The following EGFLAM variants were observed in gnomAD, a reference collection of about 807,000 sequenced individuals.
EGFLAM encodes EGF like, fibronectin type III and laminin G domains, also known as pikachurin.
EGFLAM carries 79 observed loss-of-function variants against 113.1 expected under a neutral mutation model. The observed-to-expected ratio is 0.70, with a 90% confidence interval of 0.58 to 0.84. The LOEUF is 0.84. Among genes scored for constraint, EGFLAM ranks in the 40% least tolerant of loss-of-function variants. The pLI is 0.00. For synonymous variants in EGFLAM, 504 were observed against 487.6 expected, an observed-to-expected ratio of 1.03 and a Z score of -0.44; for missense variants, 1,265 against 1,291.6, an observed-to-expected ratio of 0.98 and a Z score of 0.32.
chr5:38,328,621 C>T (rs1447380216), intron 1 of EGFLAM, among the ~76,000 whole-genome samples: 10 of 151,498 alleles, frequency 6.6e-5, no homozygotes, highest in East Asian at 1.9e-4. Flanking sequence ...TTAATATTTT[C>T]GTTAATTTAA....
chr5:38,373,724 C>T (rs1166144857), intron 6 of EGFLAM, among the ~76,000 whole-genome samples: 1 of 152,146 alleles, frequency 6.6e-6, no homozygotes, highest in Admixed American at 6.5e-5. Flanking sequence ...CATAAACATG[C>T]GAGTGCAGGA....
Position 38,273,443 on chromosome 5 carries a change from G to A in EGFLAM, c.97+14592G>A, listed in dbSNP as rs369238423. Reference sequence around the variant, plus strand: ...CCACATAATCCCTAGTGACAGGAAGGCCTCAGAAGGTGTGACTTTTGGGCA... The same window carrying A: ...CCACATAATCCCTAGTGACAGGAAGACCTCAGAAGGTGTGACTTTTGGGCA... On this transcript the variant is annotated intron_variant, in intron 1 of 21. Coordinates refer to ENST00000322350, the MANE Select transcript of EGFLAM (RefSeq NM_152403.4). Among the ~76,000 whole-genome samples the A allele has an allele frequency of 9.8e-5, 15 of 152,374 alleles. No individual in the cohort carries two copies. The East Asian group carries it at 1.5e-3, about 16-fold the overall frequency.
intron 15 of EGFLAM, 29 bp from the exon 16 acceptor site, chr5:38,435,108 A>G: frequency 1.3e-6 from 2 of 1,588,778 alleles, no homozygotes; most frequent in African/African-American, 1.3e-5. Context: ...TTAAAGTCAT[A>G]CAATGCTTTG....
intron 5 of EGFLAM, among the ~76,000 whole-genome samples, chr5:38,366,528 T>C (rs975622606): frequency 6.6e-6 from 1 of 152,154 alleles, no homozygotes; most frequent in Non-Finnish European, 1.5e-5. Flanking sequence ...CAGCCACCTA[T>C]GGGGTTTGAT....
intron 3 of EGFLAM, among the ~76,000 whole-genome samples, chr5:38,342,220 A>T (rs925458221): frequency 6.6e-6 from 1 of 152,224 alleles, no homozygotes; most frequent in South Asian, 2.1e-4. Context: ...CACATGGCAG[A>T]GTAGGGTTAA....
chr5:38,370,688 T>C (rs1740185885), intron 6 of EGFLAM, among the ~76,000 whole-genome samples: 1 of 152,184 alleles, frequency 6.6e-6, no homozygotes. Context: ...TTTTGCATCA[T>C]CCTTGGGAAG....
In EGFLAM at chr5:38,464,184, C is replaced by A. The variant is rs906303238; in HGVS notation, c.*198C>A. The A allele has an allele frequency of 4.8e-5, 30 of 629,638 alleles. No individual in the cohort carries two copies. The African/African-American group carries it at 5.2e-4, about 11-fold the overall frequency. 39.0% of individuals were successfully genotyped at this position (629,638 alleles called of 1,614,324 possible). ...GCCTTTCCTGCTGACACTCCACGAG[C>A]TGACCCAGCAGAATTCTCTGTGTAG... On this transcript the variant is annotated 3_prime_UTR_variant, in exon 22 of 22. Transcript: ENST00000322350.
At chr5:38,394,520 C>G (rs1000946425) in intron 6 of EGFLAM, among the ~76,000 whole-genome samples, 9 of 151,834 alleles carry the variant, frequency 5.9e-5, no homozygotes, top group Admixed American at 1.3e-4. Context: ...CGCCATTCTC[C>G]TGCCTCAGCC....
intron 20 of EGFLAM, among the ~76,000 whole-genome samples, chr5:38,461,940 C>A (rs1391832803): frequency 6.6e-6 from 1 of 151,878 alleles, no homozygotes. Context: ...CCGAGGAGGG[C>A]GGATCACTAG....
intron 12 of EGFLAM, among the ~76,000 whole-genome samples, chr5:38,419,162 C>T (rs1302572944): frequency 6.6e-6 from 1 of 152,278 alleles, no homozygotes; most frequent in Middle Eastern, 3.4e-3. Context: ...GGACACCAAT[C>T]GGACTGGATT....
At chr5:38,298,074 C>T (rs1204872338) in intron 1 of EGFLAM, among the ~76,000 whole-genome samples, 1 of 151,950 alleles carries the variant, frequency 6.6e-6, no homozygotes, top group African/African-American at 2.4e-5. Context: ...CTTGTGAAGA[C>T]TCCGGAAACA....
intron 5 of EGFLAM, among the ~76,000 whole-genome samples, chr5:38,358,161 C>A (rs1397373270): frequency 2.0e-5 from 3 of 151,494 alleles, no homozygotes; most frequent in African/African-American, 7.3e-5. Flanking sequence ...AAAAGATTAA[C>A]CTGGCCGGGC....
chr5:38,385,501 C>T (rs539894747), intron 6 of EGFLAM, among the ~76,000 whole-genome samples: 28 of 152,030 alleles, frequency 1.8e-4, no homozygotes, highest in African/African-American at 6.3e-4. Context: ...AAAATAAAGC[C>T]TGTACATGTT....
chr5:38,306,035 T>C (rs1758709540), intron 1 of EGFLAM, among the ~76,000 whole-genome samples: 1 of 152,148 alleles, frequency 6.6e-6, no homozygotes, highest in Admixed American at 6.5e-5. Context: ...CACCAGAGAC[T>C]GAGTGGGTGA....
chr5:38,442,710 T>G (rs1742586162), intron 17 of EGFLAM, among the ~76,000 whole-genome samples: 1 of 152,148 alleles, frequency 6.6e-6, no homozygotes, highest in Admixed American at 6.5e-5. Context: ...AATTGGAACT[T>G]GTAATAGCAC....
intron 6 of EGFLAM, chr5:38,403,498 G>T (rs1389264547): frequency 4.5e-6 from 1 of 220,834 alleles, no homozygotes. Flanking sequence ...GTCAGATAAT[G>T]GTTACTGGAA....
chr5:38,456,975 A>G (rs1262919161), intron 19 of EGFLAM, among the ~76,000 whole-genome samples: 2 of 152,206 alleles, frequency 1.3e-5, no homozygotes, highest in Admixed American at 1.3e-4. Context: ...ATTTAATTAG[A>G]ATAATTGAAT....
intron 1 of EGFLAM, among the ~76,000 whole-genome samples, chr5:38,317,008 A>G (rs1388694469): frequency 6.6e-6 from 1 of 152,124 alleles, no homozygotes; most frequent in African/African-American, 2.4e-5. Flanking sequence ...TCCGGTGTCC[A>G]TTCTATCACG....
intron 10 of EGFLAM, 134 bp from the exon 11 acceptor site, chr5:38,412,370 T>G: frequency 7.6e-7 from 1 of 1,322,492 alleles, no homozygotes; most frequent in Non-Finnish European, 1.1e-6. Context: ...CAACAGCACT[T>G]GATATTCATA....
Sources: allele counts gnomAD v4.1 joint callset (sites outside exome capture counted in the v4.1 genomes callset), GRCh38; gene constraint gnomAD v4.1.1; transcripts MANE v1.5; gene names NCBI Gene and HGNC (gene_info 2026-07-23, HGNC 2026-07-21).